Variants in RBFOX1 observed in about 807,000 individuals in gnomAD.
RBFOX1 encodes the protein RNA binding protein fox-1 homolog 1.
RBFOX1 carries 8 observed loss-of-function variants against 57.7 expected under a neutral mutation model. The observed-to-expected ratio is 0.14, with a 90% CI of 0.08 to 0.25. RBFOX1 has a LOEUF of 0.25. Ranked by LOEUF, RBFOX1 falls within the 10% of genes least tolerant of loss-of-function variation. RBFOX1 has a pLI of 1.00. For synonymous variants in RBFOX1, 326 were observed against 222.4 expected, an observed-to-expected ratio of 1.47 and a Z score of -4.15; for missense variants, 611 against 548.5, an observed-to-expected ratio of 1.11 and a Z score of -1.14.
intron 4 of RBFOX1, among the ~76,000 whole-genome samples, chr16:7,266,994 C>G (rs1603461569): frequency 6.6e-6 from 1 of 151,870 alleles, no homozygotes; most frequent in East Asian, 1.9e-4. Context: ...AAAAGCTCCC[C>G]AAAACAAAAA....
intron 4 of RBFOX1, among the ~76,000 whole-genome samples, chr16:7,376,973 C>T (rs748396976): frequency 1.3e-5 from 2 of 152,090 alleles, no homozygotes; most frequent in East Asian, 3.9e-4. Context: ...CCTTGTATGT[C>T]CCTAAGTGTC....
chr16:5,995,936 A>G (rs962129635), intron 4 of RBFOX1, among the ~76,000 whole-genome samples: 1 of 152,200 alleles, frequency 6.6e-6, no homozygotes, highest in Non-Finnish European at 1.5e-5. Flanking sequence ...GCAGTCTCCA[A>G]GATTGATTCG....
At chr16:7,371,098 C>T (rs562341124) in intron 4 of RBFOX1, among the ~76,000 whole-genome samples, 1 of 152,266 alleles carries the variant, frequency 6.6e-6, no homozygotes, top group Non-Finnish European at 1.5e-5. Context: ...TTTCAGAAGC[C>T]TGTCTGATGT....
At chr16:6,708,085 A>C (rs1348945799) in intron 3 of RBFOX1, among the ~76,000 whole-genome samples, 2 of 152,166 alleles carry the variant, frequency 1.3e-5, no homozygotes, top group Non-Finnish European at 2.9e-5. Flanking sequence ...GTAGTAGAAG[A>C]AGCCACAGTG....
At position 5,352,287 on chromosome 16, in the gene RBFOX1, G is replaced by C. The variant is rs143260972; in HGVS notation, c.219+112182G>C. 4.2e-3 allele frequency among the ~76,000 whole-genome samples: 638 copies of C among 152,226 alleles called. 5 individuals carry two copies. Among genetic ancestry groups the C allele is most frequent in the African/African-American group, 0.015 (611 of 41,520 alleles). On this transcript the variant is annotated intron_variant, in intron 1 of 2. Coordinates refer to the RBFOX1 transcript ENST00000585867. ...GAACTCTTGTCCCCCAAGCTGAGCA[G>C]CTATATCCAACTTTAAAAAAGTTCA... is the stretch of plus-strand genomic sequence containing the variant.
chr16:6,386,957 G>T (rs2092326629), intron 2 of RBFOX1, among the ~76,000 whole-genome samples: 1 of 152,194 alleles, frequency 6.6e-6, no homozygotes, highest in African/African-American at 2.4e-5. Flanking sequence ...AGAGAGAGGT[G>T]TTGGGGTAGT....
At chr16:7,668,813 A>G (rs1298548367) in intron 13 of RBFOX1, among the ~76,000 whole-genome samples, 1 of 152,210 alleles carries the variant, frequency 6.6e-6, no homozygotes, top group Non-Finnish European at 1.5e-5. Context: ...GGATCAAGTT[A>G]AGCAAACTAA....
chr16:6,417,664 A>T (rs1010171631), intron 2 of RBFOX1, among the ~76,000 whole-genome samples: 1 of 150,852 alleles, frequency 6.6e-6, no homozygotes, highest in Non-Finnish European at 1.5e-5. Context: ...TGCTGGGATT[A>T]CAGGTGTGAG....
chr16:5,698,728 A>G (rs1001586617), intron 3 of RBFOX1, among the ~76,000 whole-genome samples: 2 of 152,214 alleles, frequency 1.3e-5, no homozygotes, highest in Non-Finnish European at 1.5e-5. Flanking sequence ...TGAATAATCA[A>G]AACATGGTAT....
At chr16:5,665,478 T>C (rs773035691) in intron 3 of RBFOX1, among the ~76,000 whole-genome samples, 10 of 152,234 alleles carry the variant, frequency 6.6e-5, no homozygotes, top group Admixed American at 4.6e-4. Context: ...ACATACCACC[T>C]TGTTTTTTGC....
At chr16:6,406,577 C>T (rs2093287121) in intron 2 of RBFOX1, among the ~76,000 whole-genome samples, 1 of 144,086 alleles carries the variant, frequency 6.9e-6, no homozygotes, top group African/African-American at 2.8e-5. Flanking sequence ...GGAAGTCGAA[C>T]ATTTTTTTTT....
In RBFOX1 at chr16:6,997,395, G is replaced by C. The variant is rs140930199; in HGVS notation, c.-15-54662G>C. On this transcript the variant is annotated intron_variant, in intron 3 of 15. Transcript: ENST00000550418. ...TGTCAACCTATGTTGAAAATATGTT[G>C]AATTTCCAAGAGGGAAACGGCTGCT... Among the ~76,000 whole-genome samples the C allele has an allele frequency of 5.5e-3, 840 of 152,264 alleles. 6 individuals carry two copies. The highest frequency in any genetic ancestry group is 9.9e-3 in the Non-Finnish European group (671 of 68,018).
chr16:7,423,089 GAGAA>G (rs1260509368), intron 4 of RBFOX1: 3 of 53,874 alleles, frequency 5.6e-5, no homozygotes, highest in Admixed American at 3.1e-4. Context: ...GAGAATGAGG[GAGAA>G]AGAGAGAGAG....
chr16:6,767,947 T>TAATAAGAAGAAGAAGAAG (rs1410744665), intron 3 of RBFOX1, among the ~76,000 whole-genome samples: 78 of 101,030 alleles, frequency 7.7e-4, no homozygotes, highest in African/African-American at 2.2e-3. Flanking sequence ...ATAATAATAA[T>TAATAAGAAGAAGAAGAAG]AAGAAGAAGA....
chr16:5,378,215 G>C (rs777268869), intron 1 of RBFOX1, among the ~76,000 whole-genome samples: 3 of 151,678 alleles, frequency 2.0e-5, no homozygotes, highest in Non-Finnish European at 4.4e-5. Flanking sequence ...AGGGTCACCA[G>C]CTGTTCTGGA....
At chr16:6,546,118 C>T (rs1387157670) in intron 2 of RBFOX1, among the ~76,000 whole-genome samples, 1 of 152,162 alleles carries the variant, frequency 6.6e-6, no homozygotes, top group Non-Finnish European at 1.5e-5. Flanking sequence ...TTGTGTTAGG[C>T]TACATTCAAA....
intron 3 of RBFOX1, among the ~76,000 whole-genome samples, chr16:6,887,403 A>C (rs897513480): frequency 4.6e-5 from 7 of 152,136 alleles, no homozygotes; most frequent in African/African-American, 1.7e-4. Flanking sequence ...CAAGAAGCCG[A>C]AAGGATATGG....
intron 3 of RBFOX1, among the ~76,000 whole-genome samples, chr16:6,780,209 T>A (rs867988340): frequency 1.4e-4 from 3 of 21,528 alleles, no homozygotes; most frequent in African/African-American, 6.7e-4. Flanking sequence ...TTTTATATAT[T>A]TATATATATT....
At chr16:6,977,951 A>AAAAAAAAAG (rs2087545758) in intron 3 of RBFOX1, among the ~76,000 whole-genome samples, 1 of 149,926 alleles carries the variant, frequency 6.7e-6, no homozygotes, top group South Asian at 2.1e-4. Context: ...AAAAAAAAAA[A>AAAAAAAAAG]GGCAAACCTC....
Sources: allele counts gnomAD v4.1 joint callset (sites outside exome capture counted in the v4.1 genomes callset), GRCh38; gene constraint gnomAD v4.1.1; transcripts MANE v1.5; gene names NCBI Gene and HGNC (gene_info 2026-07-23, HGNC 2026-07-21).